Variants in ABCC12 observed in about 807,000 individuals in gnomAD.
The protein encoded by ABCC12 is ATP-binding cassette sub-family C member 12.
Under a neutral mutation model 151.1 loss-of-function variants are expected in ABCC12, and 142 were observed. The observed-to-expected ratio is 0.94, with a 90% CI of 0.82 to 1.08. The LOEUF (loss-of-function observed/expected upper bound fraction) is 1.08, where lower values mean the gene tolerates loss of function less well. Ranked by LOEUF, ABCC12 falls within the 50% of genes least tolerant of loss-of-function variation. The pLI, the probability that ABCC12 is intolerant of heterozygous loss-of-function variation, is 0.00. For missense variants in ABCC12, 1,638 were observed against 1,691.1 expected (o/e 0.97, Z 0.55); for synonymous variants, 645 against 646.4 (o/e 1.00, Z 0.03).
chr16:48,144,134 A>G lies in ABCC12; in HGVS notation c.120-69T>C. On this transcript the variant is annotated intron_variant, in intron 3 of 30. Coordinates refer to ENST00000311303, the MANE Select transcript of ABCC12 (RefSeq NM_001393797.1). The stretch of plus-strand genomic sequence containing the variant: ...TTGCCCCAACTCTCTCTCTGGATTG[A>G]ACTTGTAACTACAGCAACAACCACA... 3 of 1,531,034 alleles carry G rather than the reference A, an allele frequency of 2.0e-6. No individual in the cohort carries two copies. In the South Asian group the frequency reaches 3.8e-5, roughly 19 times the overall value. The allele number at this position is 1,531,034 out of a possible 1,614,324, so 94.8% of individuals were successfully genotyped here.
chr16:48,101,713 C>T (rs140940326), intron 22 of ABCC12, among the ~76,000 whole-genome samples: 6 of 152,022 alleles, frequency 3.9e-5, no homozygotes, highest in Admixed American at 1.3e-4. Flanking sequence ...TCAAGCAGGA[C>T]GAGCTCTGGT....
chr16:48,091,422 A>G (rs1257558663), intron 24 of ABCC12, among the ~76,000 whole-genome samples: 1 of 152,206 alleles, frequency 6.6e-6, no homozygotes, highest in African/African-American at 2.4e-5. Context: ...GTATTTAGAA[A>G]CAAATGGTAA....
At chr16:48,127,813 A>T (rs190508448) in intron 11 of ABCC12, among the ~76,000 whole-genome samples, 1 of 152,276 alleles carries the variant, frequency 6.6e-6, no homozygotes, top group African/African-American at 2.4e-5. Context: ...TAATCTCAGC[A>T]CTTGACCCAG....
intron 2 of ABCC12, among the ~76,000 whole-genome samples, chr16:48,150,279 C>CA (rs935833153): frequency 2.0e-5 from 3 of 152,062 alleles, no homozygotes; most frequent in East Asian, 1.9e-4. Flanking sequence ...GAATCTCATG[C>CA]AAAAAATATT....
chr16:48,121,930 A>G (rs1964084216), intron 12 of ABCC12, 90 bp from the exon 13 acceptor site: 1 of 1,572,966 alleles, frequency 6.4e-7, no homozygotes, highest in Non-Finnish European at 8.6e-7. Flanking sequence ...CACATATTCC[A>G]CAAGCATTGG....
At chr16:48,130,097 T>G (rs1156369474) in intron 10 of ABCC12, among the ~76,000 whole-genome samples, 1 of 152,228 alleles carries the variant, frequency 6.6e-6, no homozygotes, top group South Asian at 2.1e-4. Flanking sequence ...GTGAGTAAGA[T>G]CATTCAATCA....
At chr16:48,104,415 G>T (rs752287508) in intron 21 of ABCC12, 47 bp from the exon 22 acceptor site, 2 of 1,556,684 alleles carry the variant, frequency 1.3e-6, no homozygotes, top group African/African-American at 2.7e-5. Context: ...TGCGTGCTTA[G>T]TAAACCCTGC....
In ABCC12 at chr16:48,083,956, T is replaced by C. The variant is rs1485318795; in HGVS notation, c.3946A>G (p.Asn1316Asp). The change falls in exon 30 of 31, where the codon AAC becomes GAC. Residue 1316 changes from asparagine (N) to aspartate (D), a missense_variant. Asn to Asp is a conservative substitution (Grantham distance 23). Coordinates refer to ENST00000311303, the MANE Select transcript of ABCC12 (RefSeq NM_001393797.1). ...ACGTGATCGCAGTTGAGAACTGTGT[T>C]GAGGCGGTGGGCGATGGTCAGCACA... ...CTVLTIAHRL[N>D]TVLNCDHVLV... 1 of 1,610,290 alleles carries C rather than the reference T, an allele frequency of 6.2e-7. No individual in the cohort carries two copies. The highest frequency in any genetic ancestry group is 8.5e-7 in the Non-Finnish European group (1 of 1,178,746).
At position 48,126,427 on chromosome 16, in the gene ABCC12, G is replaced by C. The variant is rs183457819; in HGVS notation, c.1515+2032C>G. On this transcript the variant is annotated intron_variant, in intron 11 of 30. Coordinates refer to ENST00000311303, the MANE Select transcript of ABCC12 (RefSeq NM_001393797.1). ...GACATAACTGTGAACAAAAAACCCT[G>C]ACCCCATGGAGGATCCAGTCTGATG... Among the ~76,000 whole-genome samples, 14 of 152,238 alleles carry C rather than the reference G, an allele frequency of 9.2e-5. No individual in the cohort carries two copies. The East Asian group carries it at 2.5e-3, about 27-fold the overall frequency.
chr16:48,127,638 A>G (rs1964283999), intron 11 of ABCC12, among the ~76,000 whole-genome samples: 1 of 152,204 alleles, frequency 6.6e-6, no homozygotes, highest in Non-Finnish European at 1.5e-5. Context: ...CTCCTCAACC[A>G]TCAAGTAGGG....
At chr16:48,135,270 G>A (rs997345546) in intron 8 of ABCC12, among the ~76,000 whole-genome samples, 7 of 152,148 alleles carry the variant, frequency 4.6e-5, no homozygotes, top group Non-Finnish European at 7.3e-5. Flanking sequence ...TTTCTCCTGC[G>A]GCAAAACCTC....
intron 21 of ABCC12, 40 bp from the exon 22 acceptor site, chr16:48,104,408 G>T (rs57068404): frequency 6.3e-7 from 1 of 1,579,408 alleles, no homozygotes; most frequent in South Asian, 1.1e-5. Context: ...GTCGAGATGC[G>T]TGCTTAGTAA....
intron 23 of ABCC12, among the ~76,000 whole-genome samples, chr16:48,097,591 T>C (rs1357560469): frequency 3.9e-5 from 6 of 152,088 alleles, no homozygotes; most frequent in Non-Finnish European, 7.4e-5. Flanking sequence ...AGCCAGGGGA[T>C]GGGGGCAAGA....
intron 15 of ABCC12, among the ~76,000 whole-genome samples, chr16:48,113,566 C>T (rs546001239): frequency 6.6e-6 from 1 of 152,290 alleles, no homozygotes; most frequent in African/African-American, 2.4e-5. Flanking sequence ...TGCCTGTGGG[C>T]CTGGGAGTAA....
chr16:48,082,148 C>A lies in ABCC12; in HGVS notation c.*1567G>T, dbSNP rs751354587. On this transcript the variant is annotated 3_prime_UTR_variant, in exon 31 of 31. Transcript: ENST00000311303. ...GAGATCCACACTTGGCCTGGAGCTGCCCACAGAAGGAACCCCCTGGCTCAC... is the reference window on the plus strand; with the variant it reads ...GAGATCCACACTTGGCCTGGAGCTGACCACAGAAGGAACCCCCTGGCTCAC... 2.0e-5 allele frequency among the ~76,000 whole-genome samples: 3 copies of A among 152,200 alleles called. No individual in the cohort carries two copies. In the East Asian group the frequency reaches 5.8e-4, roughly 29 times the overall value.
intron 13 of ABCC12, among the ~76,000 whole-genome samples, chr16:48,120,712 C>T (rs370285472): frequency 2.6e-5 from 4 of 151,934 alleles, no homozygotes; most frequent in Non-Finnish European, 5.9e-5. Context: ...CCCACCACCA[C>T]GCCCAGCTAA....
At position 48,111,630 on chromosome 16, in the gene ABCC12, C is replaced by T; in HGVS notation, c.2157G>A (p.Val719=). Residue 719 remains valine, a synonymous_variant, in exon 17 of 31, where the codon GTG becomes GTA. Transcript: ENST00000311303. ...DPEHLYNAAM[V]EAFKESPAER... is the part of the protein sequence containing the mutation. The stretch of plus-strand genomic sequence containing the variant: ...CAGCAGGGCTCTCCTTGAAGGCTTC[C>T]ACCATTGCTGCATTGTAAAGGTGTT... 1.2e-6 allele frequency: 2 copies of T among 1,614,168 alleles called. No homozygotes were observed. Among genetic ancestry groups the T allele is most frequent in the Non-Finnish European group, 1.7e-6 (2 of 1,180,038 alleles).
chr16:48,097,382 G>A (rs1963138525), intron 23 of ABCC12, among the ~76,000 whole-genome samples: 1 of 152,196 alleles, frequency 6.6e-6, no homozygotes. Context: ...GTTTGTGACT[G>A]TAGAGGAGGG....
At chr16:48,141,129 C>T (rs1003306230) in intron 5 of ABCC12, 77 bp downstream of exon 5, 7 of 1,567,076 alleles carry the variant, frequency 4.5e-6, no homozygotes, top group Non-Finnish European at 6.1e-6. Context: ...CCCACCAGCT[C>T]GTAGAGAAAG....
Sources: allele counts gnomAD v4.1 joint callset (sites outside exome capture counted in the v4.1 genomes callset), GRCh38; gene constraint gnomAD v4.1.1; transcripts MANE v1.5; gene names NCBI Gene and HGNC (gene_info 2026-07-23, HGNC 2026-07-21).